OTUD3: variants seen among roughly 807,000 people sequenced by gnomAD.
The protein encoded by OTUD3 is OTU deubiquitinase 3, also known as OTU domain-containing protein 3.
In OTUD3, 24 loss-of-function variants were observed where a neutral mutation model predicts 46.2. The observed-to-expected ratio is 0.52, with a 90% CI of 0.38 to 0.73. OTUD3 has a LOEUF of 0.73. Ranked by LOEUF, OTUD3 falls within the 30% of genes least tolerant of loss-of-function variation. The pLI is 0.00. For missense variants in OTUD3, 455 were observed against 523.3 expected, an observed-to-expected ratio of 0.87 and a Z score of 1.27; for synonymous variants, 189 against 195.4, an observed-to-expected ratio of 0.97 and a Z score of 0.27.
Position 19,907,847 on chromosome 1 carries a change from A to G in OTUD3, c.*101A>G, listed in dbSNP as rs1465231925. 2.3e-5 allele frequency: 25 copies of G among 1,067,580 alleles called. No individual in the cohort carries two copies. The highest frequency in any genetic ancestry group is 3.1e-5 in the Non-Finnish European group (23 of 736,970). 66.1% of individuals were successfully genotyped at this position (1,067,580 alleles called of 1,614,324 possible). A position where few individuals can be genotyped will look rare whatever the true frequency, so the allele number is the denominator to read the frequency against. On this transcript the variant is annotated 3_prime_UTR_variant, in exon 8 of 8. Coordinates refer to ENST00000375120, the MANE Select transcript of OTUD3 (RefSeq NM_015207.2). The stretch of plus-strand genomic sequence containing the variant: ...CCTTTTATAAAACGCAACACAACCA[A>G]CGAAGCCCACACATGAGCTCACACA...
intron 6 of OTUD3, 102 bp from the exon 7 acceptor site, chr1:19,906,321 CTTCCCTTAT>C: frequency 1.1e-6 from 1 of 877,710 alleles, no homozygotes; most frequent in Non-Finnish European, 1.7e-6. Flanking sequence ...AGGAAACTTA[CTTCCCTTAT>C]GACTGAAGTA....
intron 3 of OTUD3, among the ~76,000 whole-genome samples, chr1:19,894,726 G>A (rs2045493707): frequency 6.6e-6 from 1 of 152,092 alleles, no homozygotes; most frequent in Admixed American, 6.6e-5. Context: ...CAGCTAATTG[G>A]GCAGGTTGGG....
Position 19,907,705 on chromosome 1 carries a change from C to G in OTUD3, c.1156C>G (p.Gln386Glu). The change falls in exon 8 of 8, where the codon CAG becomes GAG. Residue 386 changes from glutamine to glutamate, a missense_variant. Transcript: ENST00000375120. The part of the protein sequence containing the change: ...NNRSEAEANT[Q>E]VTLVKTFAAL... ...CAGAAGCGAAGCAGAGGCGAACACG[C>G]AGGTCACCTTGGTGAAGACCTTCGC... is the stretch of plus-strand genomic sequence containing the variant. 1 of 1,614,238 alleles carries G rather than the reference C, an allele frequency of 6.2e-7. No individual in the cohort carries two copies. Among genetic ancestry groups the G allele is most frequent in the South Asian group, 1.1e-5 (1 of 91,088 alleles).
chr1:19,895,075 C>A (rs1416185898), intron 3 of OTUD3, among the ~76,000 whole-genome samples: 1 of 152,112 alleles, frequency 6.6e-6, no homozygotes, highest in Non-Finnish European at 1.5e-5. Flanking sequence ...GCTATAAAAA[C>A]ATTGATACAT....
intron 4 of OTUD3, among the ~76,000 whole-genome samples, chr1:19,902,306 C>T (rs1320506864): frequency 2.6e-5 from 4 of 152,116 alleles, no homozygotes; most frequent in Admixed American, 1.3e-4. Flanking sequence ...CCCGGGTTCA[C>T]GCCATTCTTC....
rs148104097 is a variant in OTUD3, at chr1:19,883,776, C to T, written c.221+1042C>T. ...GATTACAGGCATGAGCTACCACCCCCGGCCAGGAATTGCCTTAGATATTAA... is the reference window on the plus strand; with the variant it reads ...GATTACAGGCATGAGCTACCACCCCTGGCCAGGAATTGCCTTAGATATTAA... On this transcript the variant is annotated intron_variant, in intron 1 of 7. Coordinates refer to ENST00000375120, the MANE Select transcript of OTUD3 (RefSeq NM_015207.2). Among the ~76,000 whole-genome samples, 332 of 152,270 alleles carry T rather than the reference C, an allele frequency of 2.2e-3. 1 individual carries two copies. Among genetic ancestry groups the T allele is most frequent in the Middle Eastern group, 0.01 (3 of 294 alleles).
intron 1 of OTUD3, among the ~76,000 whole-genome samples, chr1:19,885,924 G>T (rs1025270187): frequency 6.6e-6 from 1 of 152,168 alleles, no homozygotes; most frequent in South Asian, 2.1e-4. Flanking sequence ...TGGCAATATG[G>T]TACCTGTAGC....
At position 19,907,781 on chromosome 1, in the gene OTUD3, G is replaced by A. The variant is rs1367872421; in HGVS notation, c.*35G>A. Reference sequence around the variant, plus strand: ...CTCTTGGGAGTTGTAAGAAGCGGCTGGAAAAGGATTGCTGTGTGCTAGACT... The same window carrying A: ...CTCTTGGGAGTTGTAAGAAGCGGCTAGAAAAGGATTGCTGTGTGCTAGACT... On this transcript the variant is annotated 3_prime_UTR_variant, in exon 8 of 8. Transcript: ENST00000375120. The A allele has an allele frequency of 6.2e-7, 1 of 1,603,456 alleles. No individual in the cohort carries two copies. The highest frequency in any genetic ancestry group is 1.3e-5 in the African/African-American group (1 of 74,734).
At chr1:19,895,481 A>C (rs533201589) in intron 3 of OTUD3, among the ~76,000 whole-genome samples, 76 of 152,274 alleles carry the variant, frequency 5.0e-4, no homozygotes, top group African/African-American at 1.8e-3. Flanking sequence ...CCATTCTCTG[A>C]TTTGTCCTTA....
intron 6 of OTUD3, 134 bp from the exon 7 acceptor site, chr1:19,906,298 C>A (rs574622550): frequency 1.4e-6 from 1 of 695,414 alleles, no homozygotes; most frequent in Non-Finnish European, 2.2e-6. Context: ...TCTTGACATT[C>A]GAATTTGTCT....
At chr1:19,889,870 A>AT (rs1401470534) in intron 1 of OTUD3, among the ~76,000 whole-genome samples, 1 of 152,150 alleles carries the variant, frequency 6.6e-6, no homozygotes, top group African/African-American at 2.4e-5. Flanking sequence ...CAAACAGAGT[A>AT]TTGTTCAGTT....
At chr1:19,898,584 C>T (rs550411308) in intron 4 of OTUD3, among the ~76,000 whole-genome samples, 14 of 151,800 alleles carry the variant, frequency 9.2e-5, no homozygotes, top group African/African-American at 2.4e-4. Context: ...CAAAATTAGC[C>T]GGGTGTGGTG....
intron 7 of OTUD3, 37 bp from the exon 8 acceptor site, chr1:19,907,533 C>G: frequency 6.2e-7 from 1 of 1,602,976 alleles, no homozygotes. Context: ...TTGAGTCCCC[C>G]GTGCTTCCTA....
intron 1 of OTUD3, among the ~76,000 whole-genome samples, chr1:19,886,477 CCTCA>C (rs1215815623): frequency 6.6e-6 from 1 of 152,144 alleles, no homozygotes; most frequent in Non-Finnish European, 1.5e-5. Flanking sequence ...ATCTTTTGTG[CCTCA>C]CTCAGTGGTT....
intron 5 of OTUD3, 65 bp downstream of exon 5, chr1:19,904,463 A>G (rs1432421411): frequency 1.4e-6 from 2 of 1,475,664 alleles, no homozygotes; most frequent in Admixed American, 2.0e-5. Flanking sequence ...CTTACTTCTT[A>G]GTTTCGTAGC....
At chr1:19,883,376 G>C (rs1164170378) in intron 1 of OTUD3, among the ~76,000 whole-genome samples, 1 of 152,140 alleles carries the variant, frequency 6.6e-6, no homozygotes, top group Non-Finnish European at 1.5e-5. Context: ...AGAGTGGGGA[G>C]GAGGAAGAAA....
At chr1:19,904,623 A>G (rs2045633194) in intron 5 of OTUD3, among the ~76,000 whole-genome samples, 1 of 152,230 alleles carries the variant, frequency 6.6e-6, no homozygotes, top group Non-Finnish European at 1.5e-5. Flanking sequence ...CTTAGGAAGT[A>G]TGTGGATTTA....
intron 4 of OTUD3, among the ~76,000 whole-genome samples, chr1:19,900,453 G>GTGTTGAGATTACAGATGTAATCTGTAATC (rs2045571471): frequency 6.6e-6 from 1 of 151,974 alleles, no homozygotes; most frequent in Non-Finnish European, 1.5e-5. Flanking sequence ...ACCACCCAAA[G>GTGTTGAGATTACAGATGTAATCTGTAATC]TGTTGAGATT....
intron 4 of OTUD3, among the ~76,000 whole-genome samples, chr1:19,900,924 T>TTG (rs1553162878): frequency 3.4e-5 from 5 of 147,762 alleles, no homozygotes; most frequent in African/African-American, 7.5e-5. Flanking sequence ...TTGTTTTTTT[T>TTG]TTTTTTTTTT....
Sources: gnomAD v4.1 joint callset for allele counts (sites outside exome capture counted in the v4.1 genomes callset) on GRCh38, gnomAD v4.1.1 for gene constraint, MANE v1.5 for transcripts, NCBI Gene and HGNC (gene_info 2026-07-23, HGNC 2026-07-21) for gene names.